The following PTPRG variants were observed in gnomAD, a reference collection of about 807,000 sequenced individuals.
PTPRG encodes the protein protein tyrosine phosphatase receptor type G.
In PTPRG, 102 loss-of-function variants were observed where a neutral mutation model predicts 165.3. That is an observed-to-expected ratio of 0.62 (90% confidence interval 0.53 to 0.73). PTPRG has a LOEUF of 0.73. Among genes scored for constraint, PTPRG ranks in the 30% least tolerant of loss-of-function variants. The probability of loss-of-function intolerance (pLI) is 0.00; values close to 1 mark genes in which losing one functional copy is unlikely to be tolerated. For missense variants in PTPRG, 1,866 were observed against 1,861.4 expected, an observed-to-expected ratio of 1.00 and a Z score of -0.05; for synonymous variants, 675 against 669.5, an observed-to-expected ratio of 1.01 and a Z score of -0.13.
At chr3:62,002,287 A>T (rs918925118) in intron 3 of PTPRG, among the ~76,000 whole-genome samples, 1 of 152,190 alleles carries the variant, frequency 6.6e-6, no homozygotes, top group Non-Finnish European at 1.5e-5. Flanking sequence ...TCTAACTAGG[A>T]TCTCTTTAGG....
chr3:61,871,163 G>GTGTTGTGTTATGTTATGTTA (rs2037566160), intron 2 of PTPRG, among the ~76,000 whole-genome samples: 8 of 116,660 alleles, frequency 6.9e-5, no homozygotes, highest in Admixed American at 2.7e-4. Context: ...GTGTTGTGTT[G>GTGTTGTGTTATGTTATGTTA]TGTTATGTTA....
chr3:62,010,870 G>A (rs555880520), intron 4 of PTPRG, among the ~76,000 whole-genome samples: 1 of 152,214 alleles, frequency 6.6e-6, no homozygotes, highest in Non-Finnish European at 1.5e-5. Context: ...ATTATTACAG[G>A]TGATGCACGA....
At chr3:62,179,454 T>C (rs1705565779) in intron 8 of PTPRG, among the ~76,000 whole-genome samples, 1 of 152,332 alleles carries the variant, frequency 6.6e-6, no homozygotes, top group South Asian at 2.1e-4. Flanking sequence ...TCAGGTATTA[T>C]CAGGTGCACA....
intron 13 of PTPRG, among the ~76,000 whole-genome samples, chr3:62,225,523 T>G (rs564314822): frequency 3.9e-5 from 6 of 152,174 alleles, no homozygotes; most frequent in South Asian, 4.2e-4. Flanking sequence ...GTTTTGTTTT[T>G]TTTTTTTCTG....
chr3:61,775,470 A>G (rs1199967086), intron 2 of PTPRG, among the ~76,000 whole-genome samples: 1 of 152,184 alleles, frequency 6.6e-6, no homozygotes, highest in Non-Finnish European at 1.5e-5. Context: ...ATATGGGCAG[A>G]TGTTTTTAAT....
chr3:61,921,542 G>A (rs1038279021), intron 2 of PTPRG, among the ~76,000 whole-genome samples: 2 of 152,046 alleles, frequency 1.3e-5, no homozygotes, highest in Non-Finnish European at 2.9e-5. Flanking sequence ...GTGACGAGTT[G>A]CATTCAAAAT....
chr3:61,843,456 A>G (rs1442489232), intron 2 of PTPRG, among the ~76,000 whole-genome samples: 1 of 152,224 alleles, frequency 6.6e-6, no homozygotes, highest in Non-Finnish European at 1.5e-5. Context: ...GTAAGATAGT[A>G]TCTATCTTCA....
chr3:62,198,901 G>GA (rs2106827621), intron 10 of PTPRG, among the ~76,000 whole-genome samples: 1 of 152,286 alleles, frequency 6.6e-6, no homozygotes, highest in South Asian at 2.1e-4. Flanking sequence ...TGAGAGCTTA[G>GA]AAAAACCCCA....
intron 2 of PTPRG, among the ~76,000 whole-genome samples, chr3:61,883,551 T>A (rs980922408): frequency 6.6e-6 from 1 of 152,204 alleles, no homozygotes; most frequent in Non-Finnish European, 1.5e-5. Flanking sequence ...CAGGAATATG[T>A]AAGAGTCAAT....
intron 1 of PTPRG, among the ~76,000 whole-genome samples, chr3:61,616,390 C>T (rs1000209996): frequency 6.6e-6 from 1 of 152,200 alleles, no homozygotes; most frequent in Non-Finnish European, 1.5e-5. Context: ...TGTCTGTTAA[C>T]ATTCACAAGT....
intron 2 of PTPRG, among the ~76,000 whole-genome samples, chr3:61,915,035 C>A (rs1050092837): frequency 6.6e-6 from 1 of 152,172 alleles, no homozygotes; most frequent in Non-Finnish European, 1.5e-5. Flanking sequence ...TCCAGGCCAG[C>A]CTGAACAACA....
intron 14 of PTPRG, among the ~76,000 whole-genome samples, chr3:62,232,642 C>T (rs1190104195): frequency 6.6e-6 from 1 of 152,140 alleles, no homozygotes; most frequent in African/African-American, 2.4e-5. Flanking sequence ...ATGTAGCCTG[C>T]CAGACTATTT....
At chr3:62,031,395 G>C (rs1699765035) in intron 4 of PTPRG, among the ~76,000 whole-genome samples, 3 of 152,182 alleles carry the variant, frequency 2.0e-5, no homozygotes, top group Non-Finnish European at 2.9e-5. Context: ...AAGCCCCAGT[G>C]TTTAGGAAGA....
chr3:62,226,123 G>T (rs1012794568), intron 13 of PTPRG, among the ~76,000 whole-genome samples: 1 of 152,198 alleles, frequency 6.6e-6, no homozygotes, highest in African/African-American at 2.4e-5. Context: ...AAGTCGCAGC[G>T]TTAATTTTTG....
chr3:61,837,269 A>T lies in PTPRG; in HGVS notation c.190+88287A>T, dbSNP rs557401887. Among the ~76,000 whole-genome samples the T allele has an allele frequency of 2.6e-3, 398 of 152,202 alleles. 1 individual carries two copies. Among genetic ancestry groups the T allele is most frequent in the African/African-American group, 8.8e-3 (365 of 41,516 alleles). The stretch of plus-strand genomic sequence containing the variant: ...TGCCATGTTGGCCAGGCTGGTCTCG[A>T]ACTCCTGACCTCAAGTGATCTGCCT... On this transcript the variant is annotated intron_variant, in intron 2 of 29. Transcript: ENST00000474889.
At chr3:61,663,496 C>T (rs887392994) in intron 1 of PTPRG, among the ~76,000 whole-genome samples, 1 of 152,126 alleles carries the variant, frequency 6.6e-6, no homozygotes, top group Non-Finnish European at 1.5e-5. Context: ...AAGCAGTAGT[C>T]CCCAGCCTTT....
chr3:62,267,893 G>C (rs911995614), intron 19 of PTPRG, 74 bp downstream of exon 19: 7 of 1,514,610 alleles, frequency 4.6e-6, no homozygotes, highest in African/African-American at 1.4e-5. Context: ...CCTGCTTTAG[G>C]GTAGGAACTT....
At chr3:61,888,702 T>C (rs2038125173) in intron 2 of PTPRG, among the ~76,000 whole-genome samples, 1 of 152,240 alleles carries the variant, frequency 6.6e-6, no homozygotes, top group Non-Finnish European at 1.5e-5. Context: ...GGTATGATTT[T>C]ATTCTCTCAA....
intron 6 of PTPRG, among the ~76,000 whole-genome samples, chr3:62,145,862 G>A (rs1207907205): frequency 6.6e-6 from 1 of 152,232 alleles, no homozygotes; most frequent in African/African-American, 2.4e-5. Flanking sequence ...GAACCCAGTT[G>A]TATTGGACTC....
Sources: allele counts gnomAD v4.1 joint callset (sites outside exome capture counted in the v4.1 genomes callset), GRCh38; gene constraint gnomAD v4.1.1; transcripts MANE v1.5; gene names NCBI Gene and HGNC (gene_info 2026-07-23, HGNC 2026-07-21).